ARMC9: variants seen among roughly 807,000 people sequenced by gnomAD.
ARMC9 encodes the protein lisH domain-containing protein ARMC9.
A neutral mutation model predicts 107.0 loss-of-function variants in ARMC9; 94 were observed. That is an observed-to-expected ratio of 0.88 (90% CI 0.74 to 1.04). The LOEUF is 1.04. Ranked by LOEUF, ARMC9 falls within the 50% of genes least tolerant of loss-of-function variation. The pLI is 0.00. For missense variants in ARMC9, 942 were observed against 1,030.1 expected, an observed-to-expected ratio of 0.91 and a Z score of 1.17; for synonymous variants, 380 against 396.9, an observed-to-expected ratio of 0.96 and a Z score of 0.51.
In ARMC9 at chr2:231,238,997, T is replaced by C. The variant is rs912607863; in HGVS notation, c.781-946T>C. Among the ~76,000 whole-genome samples, 12 of 152,056 alleles carry C rather than the reference T, an allele frequency of 7.9e-5. 1 individual carries two copies. In the East Asian group the frequency reaches 2.3e-3, roughly 29 times the overall value. On this transcript the variant is annotated intron_variant, in intron 8 of 24. Coordinates refer to ENST00000611582, the MANE Select transcript of ARMC9 (RefSeq NM_001352754.2). ...CCCATGCAAGTGGATGAGCAAGGGG[T>C]GGGAGAGCAGCCGCTTCTACTGCCA... is the stretch of plus-strand genomic sequence containing the variant.
At chr2:231,322,322 T>C (rs1375986906) in intron 19 of ARMC9, among the ~76,000 whole-genome samples, 2 of 152,352 alleles carry the variant, frequency 1.3e-5, no homozygotes, top group South Asian at 2.1e-4. Flanking sequence ...CGCTCTCCCA[T>C]GTGGAGTGTT....
chr2:231,216,769 C>T lies in ARMC9; in HGVS notation c.480C>T (p.His160=), dbSNP rs772213189. Residue 160 remains histidine, a synonymous_variant, in exon 5 of 25, where the codon CAC becomes CAT. Transcript: ENST00000611582. ...CTTTTGTTCCCAACCCTATGGTGCACCCCTCATTTAAAGAACTCTTCCAGG... is the reference window on the plus strand; with the variant it reads ...CTTTTGTTCCCAACCCTATGGTGCATCCCTCATTTAAAGAACTCTTCCAGG... ...ALPFVPNPMV[H]PSFKELFQDS... The T allele has an allele frequency of 3.6e-5, 58 of 1,613,228 alleles. No individual in the cohort carries two copies. The South Asian group carries it at 6.3e-4, about 17-fold the overall frequency.
At chr2:231,268,607 C>T (rs577490067) in intron 12 of ARMC9, among the ~76,000 whole-genome samples, 4 of 152,158 alleles carry the variant, frequency 2.6e-5, no homozygotes, top group Non-Finnish European at 4.4e-5. Context: ...TAGTTAATAA[C>T]GTCTAGAGAA....
At chr2:231,290,506 T>C (rs1361581305) in intron 17 of ARMC9, among the ~76,000 whole-genome samples, 1 of 152,216 alleles carries the variant, frequency 6.6e-6, no homozygotes, top group Admixed American at 6.5e-5. Flanking sequence ...TCCTCTGTTT[T>C]GAGATCATTA....
chr2:231,305,837 T>TA (rs1193166109), intron 19 of ARMC9, among the ~76,000 whole-genome samples: 103 of 151,578 alleles, frequency 6.8e-4, no homozygotes, highest in African/African-American at 2.2e-3. Context: ...TGAAAAGTGA[T>TA]AAAAAACAAA....
chr2:231,262,261 A>G (rs373030437), intron 11 of ARMC9, 45 bp from the exon 12 acceptor site: 97 of 1,586,034 alleles, frequency 6.1e-5, no homozygotes, highest in Non-Finnish European at 7.2e-5. Flanking sequence ...ACTTTTCTCC[A>G]TGATAAGACT....
chr2:231,341,306 G>A (rs2044485948), intron 20 of ARMC9, among the ~76,000 whole-genome samples: 1 of 152,124 alleles, frequency 6.6e-6, no homozygotes, highest in Non-Finnish European at 1.5e-5. Context: ...ATATGATGAC[G>A]GGTACACTTC....
At position 231,277,425 on chromosome 2, in the gene ARMC9, G is replaced by A. The variant is rs142848098; in HGVS notation, c.1474+650G>A. Among the ~76,000 whole-genome samples, 188 of 152,272 alleles carry A rather than the reference G, an allele frequency of 1.2e-3. 1 individual carries two copies. Among genetic ancestry groups the A allele is most frequent in the African/African-American group, 4.3e-3 (180 of 41,552 alleles). Reference sequence around the variant, plus strand: ...GAGAGAAAGGCTCCCTGGGTAAACAGCTGGCTCAGGAGGACTTGTTGGAGC... The same window carrying A: ...GAGAGAAAGGCTCCCTGGGTAAACAACTGGCTCAGGAGGACTTGTTGGAGC... On this transcript the variant is annotated intron_variant, in intron 15 of 24. Coordinates refer to ENST00000611582, the MANE Select transcript of ARMC9 (RefSeq NM_001352754.2).
At chr2:231,361,338 C>T (rs993515867) in intron 23 of ARMC9, among the ~76,000 whole-genome samples, 1 of 151,180 alleles carries the variant, frequency 6.6e-6, no homozygotes, top group African/African-American at 2.4e-5. Context: ...TGGTGGCGCA[C>T]GCCTGTAATC....
At chr2:231,221,416 A>G (rs1194550592) in intron 5 of ARMC9, among the ~76,000 whole-genome samples, 1 of 152,220 alleles carries the variant, frequency 6.6e-6, no homozygotes, top group East Asian at 1.9e-4. Context: ...GTTCTGAGGT[A>G]CCAGGGGTTA....
intron 18 of ARMC9, among the ~76,000 whole-genome samples, chr2:231,293,244 A>G (rs780036477): frequency 6.6e-6 from 1 of 152,148 alleles, no homozygotes; most frequent in African/African-American, 2.4e-5. Flanking sequence ...TCATTCTGGC[A>G]TATTGAAAAA....
chr2:231,270,367 T>A (rs2039221466), intron 12 of ARMC9, among the ~76,000 whole-genome samples: 1 of 152,132 alleles, frequency 6.6e-6, no homozygotes, highest in Non-Finnish European at 1.5e-5. Flanking sequence ...GTCACATGAG[T>A]GGGATCCAAG....
chr2:231,274,204 G>A (rs1272279215), intron 14 of ARMC9, among the ~76,000 whole-genome samples: 2 of 152,010 alleles, frequency 1.3e-5, no homozygotes, highest in East Asian at 1.9e-4. Context: ...TGCAACCTCC[G>A]CCTCCCGGGT....
At position 231,373,545 on chromosome 2, in the gene ARMC9, T is replaced by G. The variant is rs938561924; in HGVS notation, c.*2010T>G. The G allele has an allele frequency of 6.6e-6, 1 of 152,032 alleles. No individual in the cohort carries two copies. Among genetic ancestry groups the G allele is most frequent in the African/African-American group, 2.4e-5 (1 of 41,382 alleles). The allele number at this position is 152,032 out of a possible 1,614,324, so 9.4% of individuals were successfully genotyped here. On this transcript the variant is annotated 3_prime_UTR_variant, in exon 25 of 25. Coordinates refer to ENST00000611582, the MANE Select transcript of ARMC9 (RefSeq NM_001352754.2). This position sits in a 1 kb window ranked among gnomAD's most constrained non-coding sequence, Gnocchi z 4.4. Reference sequence around the variant, plus strand: ...TCTGATCTGTAGATGTCTGATGGTTTGAGGAGAAGAAAAGATAGTCTTTTA... The same window carrying G: ...TCTGATCTGTAGATGTCTGATGGTTGGAGGAGAAGAAAAGATAGTCTTTTA...
intron 19 of ARMC9, among the ~76,000 whole-genome samples, chr2:231,324,813 C>A (rs113130606): frequency 2.6e-5 from 4 of 151,952 alleles, no homozygotes; most frequent in African/African-American, 7.3e-5. Flanking sequence ...CAGTGACTCA[C>A]GCCTATAACC....
intron 20 of ARMC9, among the ~76,000 whole-genome samples, chr2:231,341,930 G>T (rs781167562): frequency 6.6e-6 from 1 of 152,092 alleles, no homozygotes; most frequent in Non-Finnish European, 1.5e-5. Context: ...GATGAAAGCC[G>T]GGTTCTCTGA....
rs1183504211 is a variant in ARMC9 at position 231,374,451 on chromosome 2, C to CT, written c.*2919dup. 1 of 151,570 alleles carries CT rather than the reference C, an allele frequency of 6.6e-6. No individual in the cohort carries two copies. Among genetic ancestry groups the CT allele is most frequent in the Non-Finnish European group, 1.5e-5 (1 of 67,980 alleles). 9.4% of individuals were successfully genotyped at this position (151,570 alleles called of 1,614,324 possible). The stretch of plus-strand genomic sequence containing the variant: ...CTTAAATTAGGACCTGTGGTGGGGA[C>CT]TTTAATAGGCAGGTGGAGGTTTGAG... On this transcript the variant is annotated 3_prime_UTR_variant, in exon 25 of 25. Coordinates refer to ENST00000611582, the MANE Select transcript of ARMC9 (RefSeq NM_001352754.2).
At chr2:231,204,385 C>T (rs2031632288) in intron 1 of ARMC9, among the ~76,000 whole-genome samples, 1 of 152,102 alleles carries the variant, frequency 6.6e-6, no homozygotes, top group South Asian at 2.1e-4. Flanking sequence ...AGCTCTTCAG[C>T]CTGAGGCCTG....
chr2:231,298,807 G>A (rs566377395), intron 19 of ARMC9, among the ~76,000 whole-genome samples: 40 of 151,908 alleles, frequency 2.6e-4, no homozygotes, highest in Non-Finnish European at 5.3e-4. Context: ...GGTGGCGTGC[G>A]CCTGTAATCC....
Sources: gnomAD v4.1 joint callset for allele counts (sites outside exome capture counted in the v4.1 genomes callset) on GRCh38, gnomAD v4.1.1 for gene constraint, Gnocchi (gnomAD v3.1) non-coding constraint, MANE v1.5 for transcripts, NCBI Gene and HGNC (gene_info 2026-07-23, HGNC 2026-07-21) for gene names.